The following CCDC171 variants were observed in gnomAD, a reference collection of about 807,000 sequenced individuals.
CCDC171 encodes the protein coiled-coil domain-containing protein 171.
CCDC171 carries 177 observed loss-of-function variants against 168.2 expected under a neutral mutation model. The ratio of observed to expected loss-of-function variants is 1.05; its 90% CI spans 0.93 to 1.19. CCDC171 has a LOEUF of 1.19. Ranked by LOEUF, CCDC171 falls within the 50% of genes most tolerant of loss-of-function variation. The pLI is 0.00. For synonymous variants in CCDC171, 687 were observed against 540.8 expected, an observed-to-expected ratio of 1.27 and a Z score of -3.75; for missense variants, 1,991 against 1,539.0, an observed-to-expected ratio of 1.29 and a Z score of -4.91.
At position 15,867,291 on chromosome 9, in the gene CCDC171, AAAT is replaced by A. The variant is rs758393324; in HGVS notation, c.3469-7233_3469-7231del. Among the ~76,000 whole-genome samples, 33 of 152,196 alleles carry A rather than the reference AAAT, an allele frequency of 2.2e-4. No individual in the cohort carries two copies. In the South Asian group the frequency reaches 5.0e-3, roughly 23 times the overall value. ...TACATTAACAGTGATTAACCAGAGTAAATAATAATATATAGTTATTTTTGATTT... is the reference window on the plus strand; with the variant it reads ...TACATTAACAGTGATTAACCAGAGTAAATAATATATAGTTATTTTTGATTT... On this transcript the variant is annotated intron_variant, in intron 23 of 25. Coordinates refer to ENST00000380701, the MANE Select transcript of CCDC171 (RefSeq NM_173550.4).
intron 1 of CCDC171, among the ~76,000 whole-genome samples, chr9:16,051,839 A>G (rs577926276): frequency 6.6e-6 from 1 of 152,368 alleles, no homozygotes; most frequent in East Asian, 1.9e-4. Context: ...TAATTTATAA[A>G]GGAAAGTGGA....
chr9:15,637,603 A>T (rs1374199034), intron 7 of CCDC171, among the ~76,000 whole-genome samples: 1 of 142,906 alleles, frequency 7.0e-6, no homozygotes, highest in Non-Finnish European at 1.5e-5. Context: ...GTATCTCCTC[A>T]TGCTATCCCT....
chr9:15,791,917 C>T (rs1019689608), intron 21 of CCDC171, among the ~76,000 whole-genome samples: 12 of 152,170 alleles, frequency 7.9e-5, no homozygotes, highest in East Asian at 3.9e-4. Flanking sequence ...ATCAGAGCAC[C>T]TCTCCCCCTC....
At chr9:15,703,198 G>A (rs1253996415) in intron 11 of CCDC171, among the ~76,000 whole-genome samples, 3 of 152,148 alleles carry the variant, frequency 2.0e-5, no homozygotes, top group Admixed American at 1.3e-4. Context: ...GAGCCACCAC[G>A]CCCGGCCGGG....
At chr9:15,776,733 T>C (rs981350201) in intron 18 of CCDC171, among the ~76,000 whole-genome samples, 1 of 152,210 alleles carries the variant, frequency 6.6e-6, no homozygotes, top group East Asian at 1.9e-4. Context: ...ATTATATGTA[T>C]TCTTATAAGG....
chr9:15,674,489 G>T (rs2049367745), intron 9 of CCDC171, among the ~76,000 whole-genome samples: 2 of 151,876 alleles, frequency 1.3e-5, no homozygotes, highest in African/African-American at 4.8e-5. Context: ...TTTCTCTTGT[G>T]GGCATTTAGT....
chr9:15,722,153 G>C (rs1337011327), intron 12 of CCDC171, among the ~76,000 whole-genome samples: 4 of 152,082 alleles, frequency 2.6e-5, no homozygotes, highest in South Asian at 4.1e-4. Flanking sequence ...TTAACTTAAT[G>C]AAAAACACTA....
At chr9:15,898,778 T>C (rs779091619) in intron 24 of CCDC171, among the ~76,000 whole-genome samples, 5 of 152,164 alleles carry the variant, frequency 3.3e-5, no homozygotes, top group African/African-American at 4.8e-5. Context: ...TTTATCCAGC[T>C]TTCCCCATTG....
intron 25 of CCDC171, 82 bp downstream of exon 25, chr9:15,920,504 T>A (rs1433325959): frequency 1.0e-6 from 1 of 987,446 alleles, no homozygotes; most frequent in Non-Finnish European, 1.5e-6. Flanking sequence ...GTTCATAAGA[T>A]CATTTGCCAA....
At chr9:15,735,940 C>T (rs1030063467) in intron 16 of CCDC171, among the ~76,000 whole-genome samples, 2 of 152,098 alleles carry the variant, frequency 1.3e-5, no homozygotes, top group African/African-American at 4.8e-5. Flanking sequence ...GTTGAATTGG[C>T]GTGGTGCTTG....
chr9:15,790,046 G>C (rs1402778477), intron 21 of CCDC171, among the ~76,000 whole-genome samples: 1 of 152,126 alleles, frequency 6.6e-6, no homozygotes, highest in Non-Finnish European at 1.5e-5. Flanking sequence ...ATTGTGAATA[G>C]TGCCCAATAA....
the CCDC171 span, among the ~76,000 whole-genome samples, chr9:16,089,458 T>C: frequency 4.6e-5 from 7 of 151,868 alleles, 1 homozygote; most frequent in Admixed American, 4.6e-4. Flanking sequence ...TGCCCATGCC[T>C]ATATCCTGAA....
chr9:15,878,862 A>C (rs184524331), intron 24 of CCDC171, among the ~76,000 whole-genome samples: 3 of 152,320 alleles, frequency 2.0e-5, no homozygotes, highest in Non-Finnish European at 4.4e-5. Context: ...CATCCTCAGC[A>C]ATCTAACACG....
chr9:15,861,451 T>C (rs2061555106), intron 23 of CCDC171, among the ~76,000 whole-genome samples: 1 of 151,942 alleles, frequency 6.6e-6, no homozygotes, highest in Non-Finnish European at 1.5e-5. Flanking sequence ...TCTCCCTTGC[T>C]CTCATCCTTT....
chr9:15,783,169 A>G (rs563848432), intron 20 of CCDC171, among the ~76,000 whole-genome samples: 5 of 152,352 alleles, frequency 3.3e-5, no homozygotes, highest in Non-Finnish European at 2.9e-5. Flanking sequence ...CTTATGTATT[A>G]TGATATAGAA....
intron 6 of CCDC171, among the ~76,000 whole-genome samples, chr9:15,604,712 G>A (rs2043095951): frequency 6.6e-6 from 1 of 152,132 alleles, no homozygotes; most frequent in Non-Finnish European, 1.5e-5. Flanking sequence ...TAGGCCTTAA[G>A]ACAATCCAGG....
Position 15,914,380 on chromosome 9 carries a change from A to G in CCDC171, c.3601-5890A>G, listed in dbSNP as rs567336414. Among the ~76,000 whole-genome samples the G allele has an allele frequency of 2.4e-4, 36 of 152,278 alleles. No individual in the cohort carries two copies. In the East Asian group the frequency reaches 6.4e-3, roughly 27 times the overall value. ...GAGTCAAGAGAGGCAGTCTGGCTAC[A>G]GTGGCTTTGCTGAACTGCAGTGGGC... On this transcript the variant is annotated intron_variant, in intron 24 of 25. Transcript: ENST00000380701.
At chr9:15,762,919 C>T (rs915075092) in intron 18 of CCDC171, among the ~76,000 whole-genome samples, 2 of 152,040 alleles carry the variant, frequency 1.3e-5, no homozygotes, top group South Asian at 2.1e-4. Context: ...AGCTGAACTG[C>T]ACAGGTGGAG....
intron 24 of CCDC171, among the ~76,000 whole-genome samples, chr9:15,881,899 G>C (rs1162580221): frequency 6.6e-6 from 1 of 152,116 alleles, no homozygotes; most frequent in East Asian, 1.9e-4. Context: ...GAATAATGCT[G>C]CAGTAAAAAT....
Sources: allele counts gnomAD v4.1 joint callset (sites outside exome capture counted in the v4.1 genomes callset), GRCh38; gene constraint gnomAD v4.1.1; transcripts MANE v1.5; gene names NCBI Gene and HGNC (gene_info 2026-07-23, HGNC 2026-07-21).